Variants in POLA1 observed in about 807,000 individuals in gnomAD.
POLA1 encodes the protein DNA polymerase alpha catalytic subunit.
POLA1 carries 15 observed loss-of-function variants against 124.0 expected under a neutral mutation model. That is an observed-to-expected ratio of 0.12 (90% CI 0.08 to 0.19). The LOEUF (loss-of-function observed/expected upper bound fraction) is 0.19. Among genes scored for constraint, POLA1 ranks in the 10% least tolerant of loss-of-function variants. The pLI, the probability that POLA1 is intolerant of heterozygous loss-of-function variation, is 1.00. For missense variants in POLA1, 886 were observed against 1,103.4 expected (o/e 0.80, Z 2.79); for synonymous variants, 408 against 389.4 (o/e 1.05, Z -0.56).
intron 10 of POLA1, among the ~76,000 whole-genome samples, chrX:24,721,626 G>A (rs11573335): frequency 0.04 from 4,423 of 111,842 alleles, 220 homozygotes; most frequent in African/African-American, 0.13. Context: ...CTTACTCTTT[G>A]CATATGGGAA....
At chrX:24,853,383 CT>C (rs1256431512) in intron 34 of POLA1, among the ~76,000 whole-genome samples, 2 of 111,915 alleles carry the variant, frequency 1.8e-5, no homozygotes, top group African/African-American at 6.5e-5. Context: ...TATCGGTAAA[CT>C]TTTTGTGCTC....
intron 36 of POLA1, among the ~76,000 whole-genome samples, chrX:24,942,111 A>G (rs2047914936): frequency 8.9e-6 from 1 of 111,996 alleles, no homozygotes; most frequent in African/African-American, 3.2e-5. Flanking sequence ...TTGCTTATTC[A>G]TGCATTCACC....
At chrX:24,853,052 T>C (rs755407174) in intron 34 of POLA1, among the ~76,000 whole-genome samples, 19 of 112,684 alleles carry the variant, frequency 1.7e-4, no homozygotes, top group Non-Finnish European at 3.4e-4. Flanking sequence ...TTGAGGATGA[T>C]TTCTCTCAAC....
At chrX:24,882,684 G>GGTGT (rs57530564) in intron 34 of POLA1, among the ~76,000 whole-genome samples, 14,225 of 87,424 alleles carry the variant, frequency 0.16, 1,060 homozygotes, top group Middle Eastern at 0.18. Context: ...TATATTCCAT[G>GGTGT]GTGTGTGTGT....
chrX:24,703,387 A>G (rs953979222), intron 3 of POLA1, 40 bp downstream of exon 3: 4 of 950,572 alleles, frequency 4.2e-6, no homozygotes, highest in Non-Finnish European at 6.0e-6. Context: ...GTTGCTTCCT[A>G]GGCACTGTGT....
rs1929470669 is a variant in POLA1 at position 24,711,873 on chromosome X, C to T, written c.347-2681C>T. Among the ~76,000 whole-genome samples the T allele has an allele frequency of 2.7e-5, 3 of 112,295 alleles. No homozygotes were observed. In the South Asian group the frequency reaches 1.1e-3, roughly 41 times the overall value. ...TTGGCCTCCCAAAGTGCTGGGATTA[C>T]AGGCGTGAGCCACCACGCCCAGCCC... On this transcript the variant is annotated intron_variant, in intron 4 of 36. Coordinates refer to ENST00000379068, the MANE Select transcript of POLA1 (RefSeq NM_001330360.2).
At chrX:24,817,539 C>T (rs756117269) in intron 30 of POLA1, among the ~76,000 whole-genome samples, 7 of 100,257 alleles carry the variant, frequency 7.0e-5, no homozygotes, top group African/African-American at 1.1e-4. Context: ...ACCCAGGAAA[C>T]GGAGATTGCA....
At chrX:24,892,862 A>G (rs1412013778) in intron 35 of POLA1, among the ~76,000 whole-genome samples, 6 of 111,969 alleles carry the variant, frequency 5.4e-5, no homozygotes, top group African/African-American at 1.6e-4. Context: ...TTATAAGGAA[A>G]GCAGTGAAAT....
At chrX:24,894,779 TTTTCTTTTC>T (rs2047184600) in intron 35 of POLA1, among the ~76,000 whole-genome samples, 1 of 107,297 alleles carries the variant, frequency 9.3e-6, no homozygotes, top group African/African-American at 3.6e-5. Context: ...CTTTCTTTTC[TTTTCTTTTC>T]TTTTTTTTTT....
At position 24,717,277 on chromosome X, in the gene POLA1, A is replaced by G. The variant is rs752243069; in HGVS notation, c.707-13A>G. 9 of 1,195,473 alleles carry G rather than the reference A, an allele frequency of 7.5e-6. No homozygotes were observed. The Admixed American group carries it at 1.1e-4, about 15-fold the overall frequency. On this transcript the variant is annotated splice_polypyrimidine_tract_variant and intron_variant, in intron 8 of 36. Coordinates refer to ENST00000379068, the MANE Select transcript of POLA1 (RefSeq NM_001330360.2). The stretch of plus-strand genomic sequence containing the variant: ...CAATAACACATGACAAGAATGTGTG[A>G]TGATGCCTACAGGCGATGATGTACA...
At chrX:24,810,594 CT>C (rs1170064957) in intron 27 of POLA1, 113 bp from the exon 28 acceptor site, 1 of 370,059 alleles carries the variant, frequency 2.7e-6, no homozygotes, top group Non-Finnish European at 4.7e-6. Flanking sequence ...TTAACATAAA[CT>C]TTTGAAAAGT....
intron 36 of POLA1, among the ~76,000 whole-genome samples, chrX:24,974,404 A>C (rs2147278861): frequency 9.0e-6 from 1 of 111,692 alleles, no homozygotes; most frequent in African/African-American, 3.3e-5. Context: ...AATCAACCCA[A>C]ATGCCCATCA....
Position 24,936,312 on chromosome X carries a change from G to A in POLA1, c.4261+5763G>A, listed in dbSNP as rs192984553. Among the ~76,000 whole-genome samples the A allele has an allele frequency of 9.1e-3, 1,019 of 111,954 alleles. 8 individuals are homozygous for A. Among genetic ancestry groups the A allele is most frequent in the Non-Finnish European group, 0.013 (704 of 53,184 alleles). ...AAGATGGGTCCCATTTCAGTGTTAA[G>A]GATTTCCGCTATATTTCCTGAACTG... On this transcript the variant is annotated intron_variant, in intron 36 of 36. Coordinates refer to ENST00000379068, the MANE Select transcript of POLA1 (RefSeq NM_001330360.2).
chrX:24,827,636 A>G (rs1312578233), intron 32 of POLA1, among the ~76,000 whole-genome samples: 1 of 112,211 alleles, frequency 8.9e-6, no homozygotes, highest in African/African-American at 3.2e-5. Context: ...CTTTGACAGC[A>G]TAGGGACCCG....
chrX:24,994,093 C>G (rs1232902125), intron 36 of POLA1, among the ~76,000 whole-genome samples: 1 of 112,554 alleles, frequency 8.9e-6, no homozygotes, highest in East Asian at 2.8e-4. Context: ...CATTCACATG[C>G]ACGGGGTTGC....
chrX:24,699,526 G>A lies in POLA1; in HGVS notation c.145G>A (p.Ala49Thr), dbSNP rs1382339749. 2.0e-5 allele frequency: 23 copies of A among 1,173,151 alleles called. No homozygotes were observed. The highest frequency in any genetic ancestry group is 2.6e-5 in the Non-Finnish European group (23 of 875,285). Residue 49 changes from alanine to threonine, a missense_variant, in exon 2 of 37, where the codon GCT becomes ACT. Around this residue, in one of 7 missense-constraint regions of POLA1, gnomAD observed 49 missense variants for 39.2 expected, o/e 1.25. Transcript: ENST00000379068. ...CCTAGAAAGACTGAAAAAGGCTAAA[G>A]CTGGTGAGAAGTATAAATATGAAGT... Reference protein sequence around the residue: ...EALERLKKAKAGEKYKYEVED... With the variant: ...EALERLKKAKTGEKYKYEVED...
intron 36 of POLA1, among the ~76,000 whole-genome samples, chrX:24,971,987 A>ATTT (rs2048308204): frequency 1.8e-5 from 2 of 108,504 alleles, no homozygotes; most frequent in African/African-American, 3.4e-5. Context: ...ATTTTATTTT[A>ATTT]GACCGAGTTT....
At chrX:24,709,005 G>C (rs1239705924) in intron 4 of POLA1, among the ~76,000 whole-genome samples, 1 of 91,854 alleles carries the variant, frequency 1.1e-5, no homozygotes, top group African/African-American at 3.7e-5. Flanking sequence ...GCGGCTGGCC[G>C]GGCAGGGGGG....
rs1569366559 is a variant in POLA1, at chrX:24,930,553, C to CGTTAA, written c.4261+5_4261+9dup. 1 of 1,059,103 alleles carries CGTTAA rather than the reference C, an allele frequency of 9.4e-7. No individual in the cohort carries two copies. The highest frequency in any genetic ancestry group is 1.3e-6 in the Non-Finnish European group (1 of 756,353). 87.3% of individuals were successfully genotyped at this position (1,059,103 alleles called of 1,213,427 possible). On this transcript the variant is annotated splice_donor_region_variant and intron_variant, in intron 36 of 36. Transcript: ENST00000379068. ...CTTACTACCGATCATGAGAAAGGTA[C>CGTTAA]GTTAAAATACTGTAATTACCTTTGA...
Sources: allele counts gnomAD v4.1 joint callset (sites outside exome capture counted in the v4.1 genomes callset), GRCh38; gene constraint gnomAD v4.1.1; regional missense constraint gnomAD v4.1.1; transcripts MANE v1.5; gene names NCBI Gene and HGNC (gene_info 2026-07-23, HGNC 2026-07-21).